The following CFAP20DC variants were observed in gnomAD, a reference collection of about 807,000 sequenced individuals.
CFAP20DC encodes the protein CFAP20 domain containing.
CFAP20DC carries 84 observed loss-of-function variants against 101.7 expected under a neutral mutation model. That is an observed-to-expected ratio of 0.83 (90% CI 0.69 to 0.99). CFAP20DC has a LOEUF of 0.99. Ranked by LOEUF, CFAP20DC falls within the 50% of genes least tolerant of loss-of-function variation. The probability of loss-of-function intolerance (pLI) is 0.00; values close to 1 mark genes in which losing one functional copy is unlikely to be tolerated. For missense variants in CFAP20DC, 1,007 were observed against 970.3 expected, an observed-to-expected ratio of 1.04 and a Z score of -0.50; for synonymous variants, 359 against 351.2, an observed-to-expected ratio of 1.02 and a Z score of -0.25.
chr3:58,834,663 C>A (rs755461873), intron 13 of CFAP20DC, among the ~76,000 whole-genome samples: 2 of 152,056 alleles, frequency 1.3e-5, no homozygotes, highest in African/African-American at 4.8e-5. Flanking sequence ...TATGCATCAA[C>A]TTCTTCATCA....
chr3:58,811,402 A>C (rs551570998), intron 14 of CFAP20DC, among the ~76,000 whole-genome samples: 165 of 152,178 alleles, frequency 1.1e-3, no homozygotes, highest in Non-Finnish European at 2.1e-3. Context: ...ATAACGCCGC[A>C]TATCTACAAC....
At chr3:58,806,157 G>A (rs1311328815) in intron 15 of CFAP20DC, among the ~76,000 whole-genome samples, 1 of 152,142 alleles carries the variant, frequency 6.6e-6, no homozygotes, top group Non-Finnish European at 1.5e-5. Context: ...TGAATTACAT[G>A]GAGTCAAATG....
At chr3:58,977,728 T>TAAAAA (rs57717110) in intron 4 of CFAP20DC, among the ~76,000 whole-genome samples, 1 of 116,482 alleles carries the variant, frequency 8.6e-6, no homozygotes. Context: ...AGTGGCGAAG[T>TAAAAA]AAAAAAAAAA....
intron 14 of CFAP20DC, among the ~76,000 whole-genome samples, chr3:58,814,879 C>T (rs1473650571): frequency 8.7e-5 from 13 of 149,936 alleles, no homozygotes; most frequent in Non-Finnish European, 1.6e-4. Flanking sequence ...AATGGAAGAA[C>T]ATTCCATGCT....
chr3:58,884,828 T>C, intron 6 of CFAP20DC, 119 bp from the exon 7 acceptor site: 1 of 796,142 alleles, frequency 1.3e-6, no homozygotes, highest in South Asian at 1.9e-5. Flanking sequence ...GTACGAGTTA[T>C]TCAACCTTTC....
At chr3:58,937,882 A>G (rs1559860321) in intron 4 of CFAP20DC, 120 bp from the exon 5 acceptor site, 1 of 657,416 alleles carries the variant, frequency 1.5e-6, no homozygotes. Flanking sequence ...AAGATCAAAC[A>G]CAGAATTTAA....
At chr3:58,921,816 T>C (rs1231953125) in intron 5 of CFAP20DC, among the ~76,000 whole-genome samples, 1 of 152,222 alleles carries the variant, frequency 6.6e-6, no homozygotes, top group African/African-American at 2.4e-5. Context: ...CCAGCTACAC[T>C]TGCATATTTA....
At chr3:58,794,291 G>T (rs1185137085) in intron 15 of CFAP20DC, 10 of 449,518 alleles carry the variant, frequency 2.2e-5, no homozygotes, top group South Asian at 1.4e-4. Context: ...GCACCAAATT[G>T]CATCTGATTT....
rs2079246770 is a variant in CFAP20DC, at chr3:58,861,521, G to T, written c.1593+2037C>A. ...TAGAAGAAGCTATCCTACAGGAAAA[G>T]AAATTACCAAAAGTACAAAAGAAAA... On this transcript the variant is annotated intron_variant, in intron 12 of 16. Coordinates refer to ENST00000482387, the MANE Select transcript of CFAP20DC (RefSeq NM_001394063.1). This position sits in a 1 kb window ranked among gnomAD's most constrained non-coding sequence, Gnocchi z 4.0. 1 of 966,204 alleles carries T rather than the reference G, an allele frequency of 1.0e-6. No individual in the cohort carries two copies. The highest frequency in any genetic ancestry group is 1.8e-5 in the African/African-American group (1 of 56,812). 59.9% of individuals were successfully genotyped at this position (966,204 alleles called of 1,614,324 possible).
chr3:58,765,295 C>T (rs543598417), intron 15 of CFAP20DC, among the ~76,000 whole-genome samples: 20 of 152,028 alleles, frequency 1.3e-4, no homozygotes, highest in African/African-American at 3.6e-4. Flanking sequence ...CACACACACA[C>T]GCACACACAT....
At chr3:59,030,966 G>A (rs2109088410) in intron 4 of CFAP20DC, among the ~76,000 whole-genome samples, 1 of 152,238 alleles carries the variant, frequency 6.6e-6, no homozygotes, top group East Asian at 1.9e-4. Flanking sequence ...TGGGACTACA[G>A]GCGCCCGCCA....
chr3:59,033,530 C>T lies in CFAP20DC; in HGVS notation c.278+6027G>A, dbSNP rs937092481. 2.2e-4 allele frequency among the ~76,000 whole-genome samples: 33 copies of T among 152,072 alleles called. 1 individual carries two copies. The highest frequency in any genetic ancestry group is 4.8e-5 in the African/African-American group (2 of 41,408). ...AATGACCTGATGGAGCTGAAAAACA[C>T]AGCACAAGAATTTCGTGAAGCGTAC... On this transcript the variant is annotated intron_variant, in intron 4 of 16. Coordinates refer to ENST00000482387, the MANE Select transcript of CFAP20DC (RefSeq NM_001394063.1).
At chr3:58,829,575 A>G (rs2076261799) in intron 14 of CFAP20DC, among the ~76,000 whole-genome samples, 1 of 152,176 alleles carries the variant, frequency 6.6e-6, no homozygotes, top group Non-Finnish European at 1.5e-5. Flanking sequence ...AATAATAAAC[A>G]TATCTTATGA....
At chr3:58,909,441 G>A (rs909923432) in intron 6 of CFAP20DC, among the ~76,000 whole-genome samples, 1 of 151,984 alleles carries the variant, frequency 6.6e-6, no homozygotes, top group Non-Finnish European at 1.5e-5. Context: ...TTTGTTGTAG[G>A]TTTTCTACAC....
chr3:58,948,849 G>C (rs920519881), intron 4 of CFAP20DC, among the ~76,000 whole-genome samples: 2 of 152,188 alleles, frequency 1.3e-5, no homozygotes, highest in Admixed American at 6.5e-5. Context: ...GATTGGAATA[G>C]TTTCAGAAGG....
Position 58,912,599 on chromosome 3 carries a change from A to T in CFAP20DC, c.550+1109T>A, listed in dbSNP as rs2084267123. ...TCTTATATGCAGCCCTGCTTCCTGG[A>T]CTTCTAGAAGAATTGATTTAACAAA... On this transcript the variant is annotated intron_variant, in intron 6 of 16. Transcript: ENST00000482387. The surrounding 1 kb of genome is among the most constrained non-coding windows in gnomAD (Gnocchi z 4.4). 2.5e-6 allele frequency: 1 copy of T among 397,344 alleles called. No individual in the cohort carries two copies. Among genetic ancestry groups the T allele is most frequent in the Admixed American group, 3.2e-5 (1 of 31,258 alleles). The allele number at this position is 397,344 out of a possible 1,614,324, so 24.6% of individuals were successfully genotyped here.
chr3:58,809,631 CAATT>C (rs1366296566), intron 14 of CFAP20DC, among the ~76,000 whole-genome samples: 3 of 152,014 alleles, frequency 2.0e-5, no homozygotes, highest in Admixed American at 6.6e-5. Flanking sequence ...CCTAACATCA[CAATT>C]AAAAGAACTA....
chr3:58,966,085 G>T (rs1380989879), intron 4 of CFAP20DC, among the ~76,000 whole-genome samples: 2 of 152,170 alleles, frequency 1.3e-5, no homozygotes, highest in Non-Finnish European at 2.9e-5. Context: ...AGGGCCTTGG[G>T]GCTGGCAAGG....
Position 58,884,643 on chromosome 3 carries a change from A to G in CFAP20DC, c.617T>C (p.Met206Thr), listed in dbSNP as rs1380592727. The G allele has an allele frequency of 6.2e-7, 1 of 1,613,858 alleles. No homozygotes were observed. The highest frequency in any genetic ancestry group is 8.5e-7 in the Non-Finnish European group (1 of 1,179,858). Residue 206 changes from methionine (M) to threonine (T), a missense_variant, in exon 7 of 17, where the codon ATG becomes ACG. Coordinates refer to ENST00000482387, the MANE Select transcript of CFAP20DC (RefSeq NM_001394063.1). ...CTGTGTGACATGTGGAACATCTGTC[A>G]TTAGTTGACAGCTTCGTGGTATAAT... ...TDIIPRSCQLMTDVPHVTQLL... is the reference protein window; with the variant it reads ...TDIIPRSCQLTTDVPHVTQLL...
Sources: gnomAD v4.1 joint callset for allele counts (sites outside exome capture counted in the v4.1 genomes callset) on GRCh38, gnomAD v4.1.1 for gene constraint, Gnocchi (gnomAD v3.1) non-coding constraint, MANE v1.5 for transcripts, NCBI Gene and HGNC (gene_info 2026-07-23, HGNC 2026-07-21) for gene names.